Variants in BLNK observed in about 807,000 individuals in gnomAD.
BLNK encodes the protein B-cell linker protein.
In BLNK, 29 loss-of-function variants were observed where a neutral mutation model predicts 73.5. That is an observed-to-expected ratio of 0.39 (90% CI 0.29 to 0.54). The LOEUF (loss-of-function observed/expected upper bound fraction) is 0.54. Among genes scored for constraint, BLNK ranks in the 20% least tolerant of loss-of-function variants. The probability of loss-of-function intolerance (pLI) is 0.61; values close to 1 mark genes in which losing one functional copy is unlikely to be tolerated. For synonymous variants in BLNK, 176 were observed against 200.8 expected (o/e 0.88, Z 1.04); for missense variants, 460 against 562.8 (o/e 0.82, Z 1.85).
intron 2 of BLNK, among the ~76,000 whole-genome samples, chr10:96,243,655 A>G (rs1025738369): frequency 3.9e-5 from 6 of 152,208 alleles, no homozygotes; most frequent in Admixed American, 1.3e-4. Context: ...TCAAAACTTT[A>G]CTAAAGTAAA....
At chr10:96,208,648 G>C (rs587627902) in intron 9 of BLNK, among the ~76,000 whole-genome samples, 19 of 152,280 alleles carry the variant, frequency 1.2e-4, no homozygotes, top group African/African-American at 4.3e-4. Context: ...CTCCTTTTCT[G>C]TGTGTTAAAT....
chr10:96,202,268 T>C (rs1294842791), intron 13 of BLNK, among the ~76,000 whole-genome samples: 2 of 152,146 alleles, frequency 1.3e-5, no homozygotes, highest in Non-Finnish European at 2.9e-5. Context: ...GCCTATGTTT[T>C]AACAGGGTCA....
chr10:96,236,212 G>C (rs587705084), intron 3 of BLNK, among the ~76,000 whole-genome samples: 1 of 152,244 alleles, frequency 6.6e-6, no homozygotes, highest in South Asian at 2.1e-4. Flanking sequence ...CCCTGATCCT[G>C]CTCTGGAGGC....
At chr10:96,231,431 G>A (rs1842494861) in intron 3 of BLNK, among the ~76,000 whole-genome samples, 1 of 152,162 alleles carries the variant, frequency 6.6e-6, no homozygotes, top group South Asian at 2.1e-4. Context: ...CGCTGTGAGG[G>A]GCTGGGCGTT....
chr10:96,189,788 G>T lies in BLNK; in HGVS notation c.*2185C>A. 1.1e-6 allele frequency: 1 copy of T among 906,766 alleles called. No homozygotes were observed. The highest frequency in any genetic ancestry group is 1.8e-6 in the Non-Finnish European group (1 of 552,248). 56.2% of individuals were successfully genotyped at this position (906,766 alleles called of 1,614,324 possible). ...CTCTGGAATCTTGCTACCACCTCCA[G>T]GGACAGATCACTTTCCAGATATCCT... On this transcript the variant is annotated 3_prime_UTR_variant, in exon 17 of 17. Coordinates refer to ENST00000224337, the MANE Select transcript of BLNK (RefSeq NM_013314.4).
At chr10:96,264,784 T>C (rs1843917925) in intron 1 of BLNK, among the ~76,000 whole-genome samples, 1 of 152,142 alleles carries the variant, frequency 6.6e-6, no homozygotes, top group African/African-American at 2.4e-5. Context: ...TCCAAATACA[T>C]GCCTCTTGGA....
chr10:96,245,831 T>A (rs1044560436), intron 2 of BLNK, among the ~76,000 whole-genome samples: 5 of 152,210 alleles, frequency 3.3e-5, no homozygotes, highest in African/African-American at 9.6e-5. Context: ...TACATACTTA[T>A]ACACACATAC....
At chr10:96,258,688 C>T (rs1843621636) in intron 1 of BLNK, among the ~76,000 whole-genome samples, 1 of 152,156 alleles carries the variant, frequency 6.6e-6, no homozygotes. Context: ...CCCAGTAAGC[C>T]ATTGCTGAGA....
intron 6 of BLNK, among the ~76,000 whole-genome samples, chr10:96,223,046 A>G (rs587603441): frequency 2.0e-5 from 3 of 152,280 alleles, no homozygotes; most frequent in Admixed American, 2.0e-4. Context: ...GTTTCCGATA[A>G]GATCTCAGGA....
rs1207377582 is a variant in BLNK, at chr10:96,190,196, G to A, written c.*1777C>T. 5 of 779,768 alleles carry A rather than the reference G, an allele frequency of 6.4e-6. No homozygotes were observed. The highest frequency in any genetic ancestry group is 3.4e-5 in the Admixed American group (2 of 58,350). 48.3% of individuals were successfully genotyped at this position (779,768 alleles called of 1,614,324 possible). ...TAGTTCTGGGCCTCAGGGGGCTCACGTCCATGTCCATCGAATCTTCCATCA... is the reference window on the plus strand; with the variant it reads ...TAGTTCTGGGCCTCAGGGGGCTCACATCCATGTCCATCGAATCTTCCATCA... On this transcript the variant is annotated 3_prime_UTR_variant, in exon 17 of 17. Coordinates refer to ENST00000224337, the MANE Select transcript of BLNK (RefSeq NM_013314.4).
At chr10:96,251,834 GTC>G (rs1247478569) in intron 1 of BLNK, among the ~76,000 whole-genome samples, 2 of 152,244 alleles carry the variant, frequency 1.3e-5, no homozygotes, top group South Asian at 2.1e-4. Context: ...CCCTGGGTAA[GTC>G]TGAATCTCGA....
intron 3 of BLNK, among the ~76,000 whole-genome samples, chr10:96,234,273 G>C (rs1842617545): frequency 6.6e-6 from 1 of 152,226 alleles, no homozygotes; most frequent in South Asian, 2.1e-4. Context: ...TGGGATAGAG[G>C]TTGTTTGTTG....
intron 1 of BLNK, among the ~76,000 whole-genome samples, chr10:96,249,770 AGCCATC>A (rs1843203093): frequency 6.6e-6 from 1 of 152,342 alleles, no homozygotes; most frequent in African/African-American, 2.4e-5. Context: ...CCATAGCCAG[AGCCATC>A]GCTAGCTATT....
chr10:96,239,635 G>A (rs996932112), intron 3 of BLNK, among the ~76,000 whole-genome samples: 1 of 152,102 alleles, frequency 6.6e-6, no homozygotes, highest in Non-Finnish European at 1.5e-5. Context: ...AATAGAGAGG[G>A]AAAAAATATT....
chr10:96,238,504 TC>T (rs1842776282), intron 3 of BLNK, among the ~76,000 whole-genome samples: 1 of 152,120 alleles, frequency 6.6e-6, no homozygotes, highest in African/African-American at 2.4e-5. Context: ...GGCTCTGGCC[TC>T]CACACACTAC....
intron 1 of BLNK, among the ~76,000 whole-genome samples, chr10:96,253,458 C>T (rs1449523698): frequency 1.3e-5 from 2 of 152,166 alleles, no homozygotes; most frequent in Non-Finnish European, 2.9e-5. Flanking sequence ...GCTTGGACCT[C>T]AGGGGCAGAG....
At chr10:96,205,297 T>C (rs1315698412) in intron 11 of BLNK, 3 of 152,962 alleles carry the variant, frequency 2.0e-5, no homozygotes, top group African/African-American at 7.2e-5. Context: ...TTTAATACTT[T>C]ACTCTCCCTC....
chr10:96,265,021 G>A (rs1241376538), intron 1 of BLNK, among the ~76,000 whole-genome samples: 3 of 152,042 alleles, frequency 2.0e-5, no homozygotes, highest in Non-Finnish European at 4.4e-5. Flanking sequence ...GAGTGCAGTG[G>A]CATGATCTTG....
chr10:96,232,354 G>C (rs142462010), intron 3 of BLNK, among the ~76,000 whole-genome samples: 1,778 of 146,736 alleles, frequency 0.012, 31 homozygotes, highest in African/African-American at 0.03. Context: ...CCCAGTGGAT[G>C]TTCCTAAATT....
Sources: gnomAD v4.1 joint callset for allele counts (sites outside exome capture counted in the v4.1 genomes callset) on GRCh38, gnomAD v4.1.1 for gene constraint, MANE v1.5 for transcripts, NCBI Gene and HGNC (gene_info 2026-07-23, HGNC 2026-07-21) for gene names.